Variants in DPYD observed in about 807,000 individuals in gnomAD.
The protein encoded by DPYD is dihydropyrimidine dehydrogenase [NADP(+)].
In DPYD, 109 loss-of-function variants were observed where a neutral mutation model predicts 116.2. The observed-to-expected ratio is 0.94, with a 90% CI of 0.80 to 1.10. The LOEUF is 1.10. Ranked by LOEUF, DPYD falls within the 50% of genes least tolerant of loss-of-function variation. The pLI, the probability that DPYD is intolerant of heterozygous loss-of-function variation, is 0.00. For synonymous variants in DPYD, 440 were observed against 432.0 expected, an observed-to-expected ratio of 1.02 and a Z score of -0.23; for missense variants, 1,302 against 1,254.5, an observed-to-expected ratio of 1.04 and a Z score of -0.57.
Position 97,475,301 on chromosome 1 carries a change from T to C in DPYD, c.1741-25078A>G, listed in dbSNP as rs573779445. 5.3e-5 allele frequency among the ~76,000 whole-genome samples: 8 copies of C among 152,238 alleles called. No homozygotes were observed. The South Asian group carries it at 1.5e-3, about 28-fold the overall frequency. On this transcript the variant is annotated intron_variant, in intron 13 of 22. Transcript: ENST00000370192. ...TATATACCAAAATAAACTCTAGATATATTAAAAACATATAGATAAAACAGA... is the reference window on the plus strand; with the variant it reads ...TATATACCAAAATAAACTCTAGATACATTAAAAACATATAGATAAAACAGA...
intron 3 of DPYD, among the ~76,000 whole-genome samples, chr1:97,827,821 A>T (rs1252602138): frequency 1.3e-5 from 2 of 152,202 alleles, no homozygotes; most frequent in African/African-American, 4.8e-5. Context: ...CAGAATTTAG[A>T]TGAACAATAT....
chr1:97,130,582 CT>C (rs1653202136), intron 20 of DPYD, among the ~76,000 whole-genome samples: 1 of 152,108 alleles, frequency 6.6e-6, no homozygotes, highest in Admixed American at 6.6e-5. Flanking sequence ...TAGATACTAA[CT>C]CTATTCCATC....
chr1:97,808,595 C>A (rs953166579), intron 3 of DPYD, among the ~76,000 whole-genome samples: 1 of 151,990 alleles, frequency 6.6e-6, no homozygotes, highest in African/African-American at 2.4e-5. Flanking sequence ...TTATTTCTTC[C>A]CAAACTGTAC....
chr1:97,798,392 A>G (rs929957039), intron 3 of DPYD, among the ~76,000 whole-genome samples: 1 of 152,036 alleles, frequency 6.6e-6, no homozygotes, highest in African/African-American at 2.4e-5. Flanking sequence ...GTGACAATCA[A>G]GCAAATAGTG....
intron 13 of DPYD, among the ~76,000 whole-genome samples, chr1:97,456,294 G>A (rs1356594864): frequency 1.3e-5 from 2 of 151,754 alleles, no homozygotes; most frequent in Non-Finnish European, 1.5e-5. Context: ...TAAAAAATGG[G>A]GTGTTGTCTA....
At chr1:97,734,523 A>G (rs1663814306) in intron 4 of DPYD, among the ~76,000 whole-genome samples, 1 of 152,098 alleles carries the variant, frequency 6.6e-6, no homozygotes, top group African/African-American at 2.4e-5. Context: ...TACTACTCCT[A>G]TATTTTCCTA....
intron 16 of DPYD, among the ~76,000 whole-genome samples, chr1:97,319,941 T>C (rs1247847589): frequency 0.021 from 2,622 of 124,412 alleles, 209 homozygotes; most frequent in African/African-American, 0.073. Context: ...CGCAAATCAA[T>C]AAATGTAATA....
intron 18 of DPYD, among the ~76,000 whole-genome samples, chr1:97,279,428 A>G (rs1041557511): frequency 6.6e-6 from 1 of 152,150 alleles, no homozygotes; most frequent in African/African-American, 2.4e-5. Flanking sequence ...TATAGAGCCA[A>G]TTGGACCCCA....
intron 14 of DPYD, among the ~76,000 whole-genome samples, chr1:97,435,381 C>T (rs911536199): frequency 6.6e-6 from 1 of 151,822 alleles, no homozygotes; most frequent in African/African-American, 2.4e-5. Context: ...AGACATATCC[C>T]ACATAGTAAA....
intron 2 of DPYD, among the ~76,000 whole-genome samples, chr1:97,837,938 T>A (rs997661158): frequency 1.3e-5 from 2 of 152,162 alleles, no homozygotes; most frequent in South Asian, 4.1e-4. Flanking sequence ...CTGAAATACA[T>A]ATCAAGTTGC....
intron 16 of DPYD, among the ~76,000 whole-genome samples, chr1:97,317,331 C>A (rs1667917329): frequency 6.6e-6 from 1 of 151,876 alleles, no homozygotes; most frequent in Admixed American, 6.6e-5. Context: ...TGTGGACCAG[C>A]TGAGCCAAAA....
At chr1:97,822,329 T>C (rs1668987318) in intron 3 of DPYD, among the ~76,000 whole-genome samples, 1 of 148,138 alleles carries the variant, frequency 6.8e-6, no homozygotes, top group African/African-American at 2.4e-5. Context: ...TCTGTATATA[T>C]ACACAGATTT....
At chr1:97,187,119 T>C (rs904048528) in intron 20 of DPYD, among the ~76,000 whole-genome samples, 3 of 152,150 alleles carry the variant, frequency 2.0e-5, no homozygotes, top group African/African-American at 4.8e-5. Flanking sequence ...AGGTGAATGG[T>C]AGTTTTATTT....
At chr1:97,698,085 G>C (rs1661402017) in intron 6 of DPYD, among the ~76,000 whole-genome samples, 1 of 151,688 alleles carries the variant, frequency 6.6e-6, no homozygotes, top group Non-Finnish European at 1.5e-5. Flanking sequence ...TAATATATAG[G>C]ACATTTTACT....
intron 19 of DPYD, among the ~76,000 whole-genome samples, chr1:97,210,660 A>G (rs1659975654): frequency 6.6e-6 from 1 of 152,192 alleles, no homozygotes; most frequent in African/African-American, 2.4e-5. Flanking sequence ...TTGTACATGC[A>G]TTTTCAGGCT....
chr1:97,448,733 A>G (rs1293905809), intron 14 of DPYD, among the ~76,000 whole-genome samples: 1 of 151,922 alleles, frequency 6.6e-6, no homozygotes, highest in Non-Finnish European at 1.5e-5. Context: ...TAATATGAAA[A>G]CAGGGATAAT....
chr1:97,200,088 G>C (rs916937828), intron 19 of DPYD, among the ~76,000 whole-genome samples: 1 of 152,134 alleles, frequency 6.6e-6, no homozygotes, highest in Non-Finnish European at 1.5e-5. Context: ...CCCTGAGACT[G>C]GCACATGCTT....
chr1:97,348,366 T>G (rs1669965813), intron 16 of DPYD, among the ~76,000 whole-genome samples: 1 of 152,208 alleles, frequency 6.6e-6, no homozygotes, highest in Non-Finnish European at 1.5e-5. Context: ...AACACTTATT[T>G]AAAATTCTGC....
chr1:97,836,595 A>G (rs562784212), intron 2 of DPYD, among the ~76,000 whole-genome samples: 1 of 152,276 alleles, frequency 6.6e-6, no homozygotes, highest in Non-Finnish European at 1.5e-5. Flanking sequence ...TTAAAAAACA[A>G]TTAACATATG....
Sources: allele counts gnomAD v4.1 joint callset (sites outside exome capture counted in the v4.1 genomes callset), GRCh38; gene constraint gnomAD v4.1.1; transcripts MANE v1.5; gene names NCBI Gene and HGNC (gene_info 2026-07-23, HGNC 2026-07-21).